Variants in DIP2A observed in about 807,000 individuals in gnomAD.
DIP2A encodes the protein disco-interacting protein 2 homolog A.
DIP2A carries 85 observed loss-of-function variants against 177.4 expected under a neutral mutation model. That is an observed-to-expected ratio of 0.48 (90% CI 0.40 to 0.57). The LOEUF (loss-of-function observed/expected upper bound fraction) is 0.57. Among genes scored for constraint, DIP2A ranks in the 20% least tolerant of loss-of-function variants. The probability of loss-of-function intolerance (pLI) is 0.00; values close to 1 mark genes in which losing one functional copy is unlikely to be tolerated. For synonymous variants in DIP2A, 886 were observed against 881.8 expected, an observed-to-expected ratio of 1.00 and a Z score of -0.08; for missense variants, 1,791 against 2,100.2, an observed-to-expected ratio of 0.85 and a Z score of 2.88.
intron 8 of DIP2A, among the ~76,000 whole-genome samples, chr21:46,528,006 A>G (rs1243382414): frequency 6.6e-6 from 1 of 152,100 alleles, no homozygotes; most frequent in Admixed American, 6.6e-5. Flanking sequence ...GCTTATGAGC[A>G]TAGCAGCTGC....
chr21:46,559,503 G>A (rs55718640), intron 32 of DIP2A, among the ~76,000 whole-genome samples: 2 of 152,216 alleles, frequency 1.3e-5, no homozygotes, highest in Non-Finnish European at 2.9e-5. Context: ...TCAAGCCTCA[G>A]ACCCTTGTCA....
chr21:46,539,662 C>T (rs2059724497), intron 16 of DIP2A: 2 of 573,430 alleles, frequency 3.5e-6, no homozygotes, highest in South Asian at 1.9e-5. Context: ...TTTGGAGCAC[C>T]AGACCATCCA....
At chr21:46,469,993 A>G (rs1471081706) in intron 1 of DIP2A, among the ~76,000 whole-genome samples, 1 of 152,232 alleles carries the variant, frequency 6.6e-6, no homozygotes, top group Non-Finnish European at 1.5e-5. Flanking sequence ...TCACATATTT[A>G]ATCTTTTAAT....
At chr21:46,495,926 G>T (rs569191651) in intron 3 of DIP2A, among the ~76,000 whole-genome samples, 39 of 152,054 alleles carry the variant, frequency 2.6e-4, no homozygotes, top group Admixed American at 2.2e-3. Flanking sequence ...ATAAAAATTA[G>T]CCGGGCGTGG....
chr21:46,551,544 T>G (rs1569096260), intron 23 of DIP2A, 90 bp from the exon 24 acceptor site: 1 of 1,151,452 alleles, frequency 8.7e-7, no homozygotes, highest in Admixed American at 2.2e-5. Context: ...CATTCAAGTA[T>G]GTTTTCAAAA....
At chr21:46,465,975 G>A (rs2054790914) in intron 1 of DIP2A, among the ~76,000 whole-genome samples, 1 of 152,098 alleles carries the variant, frequency 6.6e-6, no homozygotes, top group South Asian at 2.1e-4. Flanking sequence ...ACGTTTTCTG[G>A]AAAATAAATG....
At chr21:46,554,090 A>G in intron 25 of DIP2A, 79 bp from the exon 26 acceptor site, 9 of 1,444,500 alleles carry the variant, frequency 6.2e-6, no homozygotes, top group Non-Finnish European at 6.5e-6. Flanking sequence ...AGTGGCGTGC[A>G]GGTGGTGTGC....
Position 46,563,423 on chromosome 21 carries a change from G to T in DIP2A, c.4090-435G>T, listed in dbSNP as rs2060732826. Among the ~76,000 whole-genome samples, 1 of 152,202 alleles carries T rather than the reference G, an allele frequency of 6.6e-6. No individual in the cohort carries two copies. Among genetic ancestry groups the T allele is most frequent in the Non-Finnish European group, 1.5e-5 (1 of 68,024 alleles). The stretch of plus-strand genomic sequence containing the variant: ...ATTGGCACAGAGCCAGTGCTCAGTG[G>T]TTGGACTGACTCGGAGTCACGGGCA... On this transcript the variant is annotated intron_variant, in intron 34 of 37. Coordinates refer to ENST00000417564, the MANE Select transcript of DIP2A (RefSeq NM_015151.4). This position sits in a 1 kb window ranked among gnomAD's most constrained non-coding sequence, Gnocchi z 4.3.
intron 32 of DIP2A, among the ~76,000 whole-genome samples, chr21:46,559,445 C>T (rs141699922): frequency 9.3e-4 from 141 of 152,292 alleles, no homozygotes; most frequent in African/African-American, 3.3e-3. Flanking sequence ...CAGGGCAGGG[C>T]GGGGGCTCTG....
chr21:46,540,004 C>T lies in DIP2A; in HGVS notation c.2036+13C>T. The stretch of plus-strand genomic sequence containing the variant: ...TCGCCATCCGCAGGTAACCTTATTC[C>T]TTGCTATGTCTCATGAGCACTTAGT... On this transcript the variant is annotated intron_variant, in intron 17 of 37. Transcript: ENST00000417564. 6.2e-7 allele frequency: 1 copy of T among 1,600,154 alleles called. No homozygotes were observed. Among genetic ancestry groups the T allele is most frequent in the East Asian group, 2.2e-5 (1 of 44,806 alleles).
intron 1 of DIP2A, chr21:46,462,550 G>A (rs1163753382): frequency 3.9e-5 from 6 of 152,294 alleles, no homozygotes; most frequent in Middle Eastern, 6.8e-3. Flanking sequence ...TATAATTAAA[G>A]GGAGATATTA....
Position 46,554,902 on chromosome 21 carries a change from C to T in DIP2A, c.3357C>T (p.Asp1119=). The T allele has an allele frequency of 6.4e-7, 1 of 1,552,518 alleles. No homozygotes were observed. The highest frequency in any genetic ancestry group is 2.4e-5 in the East Asian group (1 of 40,958). Residue 1119 remains aspartate, a synonymous_variant, in exon 28 of 38, where the codon GAC becomes GAT. Coordinates refer to ENST00000417564, the MANE Select transcript of DIP2A (RefSeq NM_015151.4). The part of the protein sequence containing the change: ...LRSKEAAAAV[D]IRTWPTILDT... ...CCAAGGAGGCTGCTGCTGCCGTGGA[C>T]ATCAGGACCTGGCCCACCATCCTAG...
chr21:46,527,150 A>C (rs2059129551), intron 8 of DIP2A, among the ~76,000 whole-genome samples: 1 of 152,036 alleles, frequency 6.6e-6, no homozygotes, highest in African/African-American at 2.4e-5. Context: ...TTAATGTGGC[A>C]AATTATGTGG....
chr21:46,468,443 G>C (rs62224258), intron 1 of DIP2A, among the ~76,000 whole-genome samples: 8 of 150,338 alleles, frequency 5.3e-5, no homozygotes, highest in African/African-American at 1.5e-4. Flanking sequence ...GAAAATCGGC[G>C]CCAGAACAAA....
Position 46,537,614 on chromosome 21 carries a change from A to C in DIP2A, c.1801+75A>C. Reference sequence around the variant, plus strand: ...TTGAACTGACCTTTGGTGCTTAAGAAAAAATAAAGCTGACATGTGGAACTG... The same window carrying C: ...TTGAACTGACCTTTGGTGCTTAAGACAAAATAAAGCTGACATGTGGAACTG... On this transcript the variant is annotated intron_variant, in intron 15 of 37. Coordinates refer to ENST00000417564, the MANE Select transcript of DIP2A (RefSeq NM_015151.4). This position sits in a 1 kb window ranked among gnomAD's most constrained non-coding sequence, Gnocchi z 4.1. 1 of 1,436,730 alleles carries C rather than the reference A, an allele frequency of 7.0e-7. No individual in the cohort carries two copies. The highest frequency in any genetic ancestry group is 1.2e-5 in the South Asian group (1 of 83,098). The allele number at this position is 1,436,730 out of a possible 1,614,324, so 89.0% of individuals were successfully genotyped here.
At chr21:46,570,828 TC>T, downstream of DIP2A, among the ~76,000 whole-genome samples, 1 of 152,296 alleles carries the variant, frequency 6.6e-6, no homozygotes, top group South Asian at 2.1e-4. Flanking sequence ...GCTGAAGACT[TC>T]CTAAATTTGA....
At chr21:46,532,327 C>A in intron 10 of DIP2A, 90 bp downstream of exon 10, 1 of 1,034,352 alleles carries the variant, frequency 9.7e-7, no homozygotes, top group Non-Finnish European at 1.4e-6. Context: ...TGTGGGCAGG[C>A]AGCAAGCAGC....
rs778854753 is a variant in DIP2A, at chr21:46,554,642, C to G, written c.3222C>G (p.Pro1074=). ...YCGCVPVTVR[P]PHPQNLGTTL... Reference sequence around the variant, plus strand: ...GCTGCGTGCCTGTCACCGTGCGGCCCCCGCACCCTCAGAACCTCGGCACCA... The same window carrying G: ...GCTGCGTGCCTGTCACCGTGCGGCCGCCGCACCCTCAGAACCTCGGCACCA... The change falls in exon 27 of 38, where the codon CCC becomes CCG. Residue 1074 remains proline (P), a synonymous_variant. Coordinates refer to ENST00000417564, the MANE Select transcript of DIP2A (RefSeq NM_015151.4). 1 of 1,596,756 alleles carries G rather than the reference C, an allele frequency of 6.3e-7. No homozygotes were observed. The highest frequency in any genetic ancestry group is 1.1e-5 in the South Asian group (1 of 88,292).
chr21:46,522,160 C>G (rs1290236794), intron 8 of DIP2A, among the ~76,000 whole-genome samples: 1 of 152,192 alleles, frequency 6.6e-6, no homozygotes, highest in Non-Finnish European at 1.5e-5. Context: ...CCAAAGGTTA[C>G]TTAAGTCACA....
Sources: allele counts gnomAD v4.1 joint callset (sites outside exome capture counted in the v4.1 genomes callset), GRCh38; gene constraint gnomAD v4.1.1; non-coding constraint Gnocchi (gnomAD v3.1); transcripts MANE v1.5; gene names NCBI Gene and HGNC (gene_info 2026-07-23, HGNC 2026-07-21).